Variants in RPL28 observed in about 807,000 individuals in gnomAD.
RPL28 encodes the protein ribosomal protein L28.
RPL28 carries 4 observed loss-of-function variants against 12.5 expected under a neutral mutation model. That is an observed-to-expected ratio of 0.32 (90% CI 0.16 to 0.73). RPL28 has a LOEUF of 0.73. Ranked by LOEUF, RPL28 falls within the 30% of genes least tolerant of loss-of-function variation. The probability of loss-of-function intolerance (pLI) is 0.66; values close to 1 mark genes in which losing one functional copy is unlikely to be tolerated. For missense variants in RPL28, 214 were observed against 197.7 expected (o/e 1.08, Z -0.49); for synonymous variants, 91 against 72.5 (o/e 1.26, Z -1.30).
chr19:55,403,330 A>T (rs534205405), downstream of RPL28: 1 of 529,188 alleles, frequency 1.9e-6, no homozygotes, highest in African/African-American at 1.9e-5. Flanking sequence ...AAACCATAAA[A>T]ATATAAAAAC....
intron 4 of RPL28, among the ~76,000 whole-genome samples, chr19:55,402,024 G>A (rs1190633305): frequency 1.3e-5 from 2 of 152,194 alleles, no homozygotes; most frequent in African/African-American, 4.8e-5. Flanking sequence ...CTGGTCCTCC[G>A]TGGAACTTGC....
intron 4 of RPL28, chr19:55,401,272 G>A: frequency 3.6e-6 from 3 of 840,894 alleles, no homozygotes; most frequent in South Asian, 1.8e-5. Flanking sequence ...GCATCTGTGA[G>A]ACACAGAAGC....
intron 4 of RPL28, chr19:55,401,646 C>T: frequency 6.2e-7 from 1 of 1,609,008 alleles, no homozygotes; most frequent in Non-Finnish European, 8.5e-7. Context: ...CCCCGTGGAT[C>T]TCTGTGAGCA....
At chr19:55,401,863 C>T in intron 4 of RPL28, 1 of 1,280,200 alleles carries the variant, frequency 7.8e-7, no homozygotes, top group Non-Finnish European at 1.1e-6. Context: ...CCTTCTGCTC[C>T]CAACTCAGCT....
intron 3 of RPL28, chr19:55,387,349 C>T (rs2089942132): frequency 5.8e-6 from 9 of 1,551,526 alleles, no homozygotes; most frequent in Non-Finnish European, 7.8e-6. Context: ...TACTCAGTGG[C>T]AGCAACAAAC....
Position 55,388,239 on chromosome 19 carries a change from C to A in RPL28, c.325-4C>A. 2 of 1,540,398 alleles carry A rather than the reference C, an allele frequency of 1.3e-6. No individual in the cohort carries two copies. The highest frequency in any genetic ancestry group is 8.7e-7 in the Non-Finnish European group (1 of 1,145,732). ...TGAGCCTTGCTCTGCTCCCCCGCCC[C>A]CAGGCAGCCATCCGCAGGGCCAGCG... On this transcript the variant is annotated splice_polypyrimidine_tract_variant and splice_region_variant and intron_variant, in intron 4 of 4. Coordinates refer to ENST00000344063, the MANE Select transcript of RPL28 (RefSeq NM_000991.5).
intron 3 of RPL28, chr19:55,387,646 T>C (rs2089945679): frequency 1.4e-6 from 2 of 1,390,312 alleles, no homozygotes; most frequent in Admixed American, 6.5e-5. Flanking sequence ...CTGGATCAGA[T>C]CCTAACTGAA....
intron 4 of RPL28, chr19:55,400,500 G>A (rs1018218088): frequency 6.6e-6 from 1 of 152,190 alleles, no homozygotes; most frequent in Non-Finnish European, 1.5e-5. Context: ...TTAAGTATCT[G>A]GATGGGCCTG....
rs1191103598 is a variant in RPL28, at chr19:55,392,016, C to T, written c.*3684C>T. ...TTCCAGCCCAGGCTGTTTGGCGCTG[C>T]CCAGGAATGGTATCAATTCCCCTGT... On this transcript the variant is annotated 3_prime_UTR_variant, in exon 5 of 5. Coordinates refer to ENST00000344063, the MANE Select transcript of RPL28 (RefSeq NM_000991.5). 6 of 1,094,586 alleles carry T rather than the reference C, an allele frequency of 5.5e-6. No individual in the cohort carries two copies. Among genetic ancestry groups the T allele is most frequent in the Non-Finnish European group, 6.7e-6 (6 of 899,696 alleles). 67.8% of individuals were successfully genotyped at this position (1,094,586 alleles called of 1,614,324 possible).
exon 5 of RPL28, chr19:55,403,174 G>T (rs569064028): frequency 1.5e-6 from 1 of 679,368 alleles, no homozygotes; most frequent in South Asian, 1.6e-5. Context: ...ACCCCTTGGG[G>T]GGCAAAATCA....
rs1053396867 is a variant in RPL28 at position 55,397,563 on chromosome 19, G to T, written c.325-5380G>T. Among the ~76,000 whole-genome samples, 3 of 151,964 alleles carry T rather than the reference G, an allele frequency of 2.0e-5. No homozygotes were observed. The East Asian group carries it at 5.8e-4, about 30-fold the overall frequency. On this transcript the variant is annotated intron_variant, in intron 4 of 4. Coordinates refer to the RPL28 transcript ENST00000560055. ...CCCGGCTAATTTTTTTGTATTTTTAGTAGAGACAGGGTTTCACCGTGTTAG... is the reference window on the plus strand; with the variant it reads ...CCCGGCTAATTTTTTTGTATTTTTATTAGAGACAGGGTTTCACCGTGTTAG...
Position 55,389,624 on chromosome 19 carries a change from C to T in RPL28, c.*1292C>T. 3 of 985,540 alleles carry T rather than the reference C, an allele frequency of 3.0e-6. No individual in the cohort carries two copies. Among genetic ancestry groups the T allele is most frequent in the Non-Finnish European group, 3.6e-6 (3 of 829,994 alleles). 61.0% of individuals were successfully genotyped at this position (985,540 alleles called of 1,614,324 possible). ...GGGAGCCCTGCGTTTTGAGGCAGAC[C>T]ACTGCCCTTCCGACCTCAGTCCTGT... On this transcript the variant is annotated 3_prime_UTR_variant, in exon 5 of 5. Coordinates refer to ENST00000344063, the MANE Select transcript of RPL28 (RefSeq NM_000991.5).
In RPL28 at chr19:55,389,057, ACCCTGTCAC is replaced by A. The variant is rs2089964235; in HGVS notation, c.*728_*736del. The A allele has an allele frequency of 1.0e-6, 1 of 985,008 alleles. No individual in the cohort carries two copies. The highest frequency in any genetic ancestry group is 1.2e-6 in the Non-Finnish European group (1 of 829,936). 61.0% of individuals were successfully genotyped at this position (985,008 alleles called of 1,614,324 possible). A position where few individuals can be genotyped will look rare whatever the true frequency, so the allele number is the denominator to read the frequency against. On this transcript the variant is annotated 3_prime_UTR_variant, in exon 5 of 5. Coordinates refer to ENST00000344063, the MANE Select transcript of RPL28 (RefSeq NM_000991.5). ...TCATCTCAGTGGCCGCTCCTGGGCC[ACCCTGTCAC>A]CCAAGCTTTCCTGATTGCCCAGCCC...
At chr19:55,403,127 T>G (rs1291411754) in exon 5 of RPL28, 1 of 795,190 alleles carries the variant, frequency 1.3e-6, no homozygotes, top group South Asian at 1.4e-5. Flanking sequence ...ACCCCCGAGT[T>G]GTGACAACCC....
intron 2 of RPL28, 42 bp from the exon 3 acceptor site, chr19:55,386,528 C>T (rs745807063): frequency 4.4e-6 from 7 of 1,598,070 alleles, no homozygotes; most frequent in South Asian, 1.1e-5. Flanking sequence ...CGCATGTCTC[C>T]GGGTCCCTTA....
At chr19:55,386,870 C>G in intron 3 of RPL28, 177 bp downstream of exon 3, 1 of 1,547,580 alleles carries the variant, frequency 6.5e-7, no homozygotes. Context: ...CTGTGAGCCG[C>G]GCGCGTCTGA....
At chr19:55,402,558 C>T (rs530499077) in intron 4 of RPL28, among the ~76,000 whole-genome samples, 4 of 152,308 alleles carry the variant, frequency 2.6e-5, no homozygotes, top group Admixed American at 2.6e-4. Context: ...TCCCTGGGGC[C>T]ACTATGACAC....
chr19:55,388,140 G>A (rs1177716461), intron 4 of RPL28, 92 bp downstream of exon 4: 1 of 1,577,290 alleles, frequency 6.3e-7, no homozygotes, highest in East Asian at 2.3e-5. Context: ...GGCTGGAGAG[G>A]GATGGATTCT....
chr19:55,395,443 CTTTTTTT>C (rs535831486), downstream of RPL28, among the ~76,000 whole-genome samples: 4 of 132,124 alleles, frequency 3.0e-5, no homozygotes, highest in Non-Finnish European at 3.2e-5. Context: ...TTCTTTTTCT[CTTTTTTT>C]TTTTTTTTTG....
Sources: gnomAD v4.1 joint callset for allele counts (sites outside exome capture counted in the v4.1 genomes callset) on GRCh38, gnomAD v4.1.1 for gene constraint, MANE v1.5 for transcripts, NCBI Gene and HGNC (gene_info 2026-07-23, HGNC 2026-07-21) for gene names.